KDM4C: variants seen among roughly 807,000 people sequenced by gnomAD.
KDM4C encodes lysine-specific demethylase 4C.
Under a neutral mutation model 129.3 loss-of-function variants are expected in KDM4C, and 81 were observed. The observed-to-expected ratio is 0.63, with a 90% CI of 0.52 to 0.75. KDM4C has a LOEUF of 0.75. Among genes scored for constraint, KDM4C ranks in the 30% least tolerant of loss-of-function variants. KDM4C has a pLI of 0.00. For missense variants in KDM4C, 1,457 were observed against 1,304.0 expected (o/e 1.12, Z -1.81); for synonymous variants, 573 against 456.1 (o/e 1.26, Z -3.26).
chr9:7,075,108 G>T (rs1187134658), intron 17 of KDM4C, among the ~76,000 whole-genome samples: 1 of 152,152 alleles, frequency 6.6e-6, no homozygotes, highest in Non-Finnish European at 1.5e-5. Flanking sequence ...AAGCATCCCA[G>T]CTGTGATGGT....
intron 15 of KDM4C, among the ~76,000 whole-genome samples, chr9:7,030,975 C>T (rs1001657883): frequency 1.3e-5 from 2 of 151,912 alleles, no homozygotes; most frequent in African/African-American, 2.4e-5. Context: ...TTTTACTCTG[C>T]AGAATCATAA....
intron 8 of KDM4C, among the ~76,000 whole-genome samples, chr9:6,899,173 T>G (rs1563779790): frequency 6.6e-6 from 1 of 152,064 alleles, no homozygotes; most frequent in South Asian, 2.1e-4. Flanking sequence ...TTGCTTTACT[T>G]TTAAGAGCAT....
intron 8 of KDM4C, among the ~76,000 whole-genome samples, chr9:6,932,819 C>T (rs1378255161): frequency 6.6e-6 from 1 of 152,192 alleles, no homozygotes; most frequent in African/African-American, 2.4e-5. Context: ...GCCAAGGGTA[C>T]TGCAAAACAT....
At chr9:6,730,609 T>C (rs867087293) in intron 1 of KDM4C, among the ~76,000 whole-genome samples, 14 of 145,984 alleles carry the variant, frequency 9.6e-5, no homozygotes, top group Admixed American at 3.4e-4. Flanking sequence ...AGCGAGACTC[T>C]GTCTCAAAAA....
chr9:7,010,955 A>G (rs1047288669), intron 12 of KDM4C, among the ~76,000 whole-genome samples: 10 of 152,148 alleles, frequency 6.6e-5, no homozygotes, highest in South Asian at 2.1e-4. Flanking sequence ...GAGGCGGTAC[A>G]ATGGCTTGAA....
intron 18 of KDM4C, among the ~76,000 whole-genome samples, chr9:7,111,513 T>A (rs1462767121): frequency 6.6e-6 from 1 of 152,162 alleles, no homozygotes; most frequent in Non-Finnish European, 1.5e-5. Context: ...GAGTTTACGT[T>A]TATATAACTT....
chr9:6,735,133 G>C (rs1817485743), intron 1 of KDM4C: 2 of 279,778 alleles, frequency 7.1e-6, no homozygotes, highest in African/African-American at 2.2e-5. Flanking sequence ...AGGCAAAGAG[G>C]CTACACCTGT....
intron 8 of KDM4C, among the ~76,000 whole-genome samples, chr9:6,946,376 C>T (rs964419915): frequency 1.3e-5 from 2 of 152,106 alleles, no homozygotes; most frequent in African/African-American, 4.8e-5. Flanking sequence ...TTATTGATCT[C>T]CTCTTCACAT....
chr9:6,970,917 T>G (rs1831871798), intron 8 of KDM4C, among the ~76,000 whole-genome samples: 1 of 149,434 alleles, frequency 6.7e-6, no homozygotes, highest in Non-Finnish European at 1.5e-5. Context: ...CATCATTCCC[T>G]CGGCTCTACC....
At chr9:7,165,109 C>G (rs532172551) in intron 19 of KDM4C, 129 bp from the exon 20 acceptor site, 1 of 1,092,090 alleles carries the variant, frequency 9.2e-7, no homozygotes, top group African/African-American at 1.6e-5. Flanking sequence ...AACACCCATG[C>G]GAGATCATAA....
At position 6,758,017 on chromosome 9, in the gene KDM4C, C is replaced by T. The variant is rs7851806; in HGVS notation, c.-204C>T. On this transcript the variant is annotated 5_prime_UTR_variant, in exon 1 of 22. Coordinates refer to ENST00000381309, the MANE Select transcript of KDM4C (RefSeq NM_015061.6). This position sits in a 1 kb window ranked among gnomAD's most constrained non-coding sequence, Gnocchi z 4.6. ...CCTTCGCCGCTGCCTCCCACCCACC[C>T]CCTCGACGGGAGGGTGAGGCGCGGC... 2.7e-3 allele frequency: 2,613 copies of T among 985,460 alleles called. 68 individuals carry two copies. In the African/African-American group the frequency reaches 0.042, roughly 16 times the overall value. 61.0% of individuals were successfully genotyped at this position (985,460 alleles called of 1,614,324 possible). A position where few individuals can be genotyped will look rare whatever the true frequency, so the allele number is the denominator to read the frequency against.
chr9:7,041,835 C>T (rs577713953), intron 15 of KDM4C, among the ~76,000 whole-genome samples: 1 of 151,990 alleles, frequency 6.6e-6, no homozygotes, highest in African/African-American at 2.4e-5. Context: ...GAAGATCTGC[C>T]TGCCTTTCAT....
chr9:6,971,578 C>T (rs1831994524), intron 8 of KDM4C, among the ~76,000 whole-genome samples: 1 of 152,144 alleles, frequency 6.6e-6, no homozygotes, highest in Admixed American at 6.5e-5. Flanking sequence ...GATGATTCTA[C>T]ATTTTATTTG....
In KDM4C at chr9:7,128,272, T is replaced by C. The variant is rs1398252258; in HGVS notation, c.2781+36T>C. 1.4e-5 allele frequency: 20 copies of C among 1,455,374 alleles called. 1 individual carries two copies. In the Middle Eastern group the frequency reaches 5.5e-4, roughly 40 times the overall value. The allele number at this position is 1,455,374 out of a possible 1,614,324, so 90.2% of individuals were successfully genotyped here. On this transcript the variant is annotated intron_variant, in intron 19 of 21. Coordinates refer to ENST00000381309, the MANE Select transcript of KDM4C (RefSeq NM_015061.6). Reference sequence around the variant, plus strand: ...TTCCTTGAGTGCCTGCTACCCAGAGTAATTTAAAAAAAAAAACCAAAGTAA... The same window carrying C: ...TTCCTTGAGTGCCTGCTACCCAGAGCAATTTAAAAAAAAAAACCAAAGTAA...
chr9:7,134,572 ATTAG>A (rs1458300379), intron 19 of KDM4C, among the ~76,000 whole-genome samples: 3 of 152,224 alleles, frequency 2.0e-5, no homozygotes, highest in African/African-American at 7.2e-5. Flanking sequence ...TAAATCAGAC[ATTAG>A]TTAGCTTGAA....
chr9:6,894,058 C>G (rs1846481676), intron 8 of KDM4C, among the ~76,000 whole-genome samples: 1 of 152,118 alleles, frequency 6.6e-6, no homozygotes, highest in Non-Finnish European at 1.5e-5. Flanking sequence ...CGTATGTGGT[C>G]TTATTTTGGC....
intron 1 of KDM4C, among the ~76,000 whole-genome samples, chr9:6,767,146 T>TA (rs1820786292): frequency 1.3e-5 from 2 of 152,056 alleles, no homozygotes; most frequent in Non-Finnish European, 2.9e-5. Flanking sequence ...GCTTTTTTTT[T>TA]ATTCTTTTTT....
At chr9:7,001,409 A>G (rs1458245898) in intron 12 of KDM4C, among the ~76,000 whole-genome samples, 1 of 152,234 alleles carries the variant, frequency 6.6e-6, no homozygotes, top group South Asian at 2.1e-4. Context: ...TGAGTGAACC[A>G]TGGATCTGGG....
intron 8 of KDM4C, among the ~76,000 whole-genome samples, chr9:6,914,976 C>T (rs1324370629): frequency 6.6e-6 from 1 of 152,198 alleles, no homozygotes; most frequent in Non-Finnish European, 1.5e-5. Flanking sequence ...TTTGATTTTG[C>T]TGTCTACCTA....
Sources: gnomAD v4.1 joint callset for allele counts (sites outside exome capture counted in the v4.1 genomes callset) on GRCh38, gnomAD v4.1.1 for gene constraint, Gnocchi (gnomAD v3.1) non-coding constraint, MANE v1.5 for transcripts, NCBI Gene and HGNC (gene_info 2026-07-23, HGNC 2026-07-21) for gene names.